Variants in DHX8 observed in about 807,000 individuals in gnomAD.
DHX8 encodes ATP-dependent RNA helicase DHX8.
In DHX8, 67 loss-of-function variants were observed where a neutral mutation model predicts 140.7. That is an observed-to-expected ratio of 0.48 (90% CI 0.39 to 0.58). The LOEUF is 0.58. Ranked by LOEUF, DHX8 falls within the 20% of genes least tolerant of loss-of-function variation. DHX8 has a pLI of 0.00. For missense variants in DHX8, 887 were observed against 1,550.7 expected, an observed-to-expected ratio of 0.57 and a Z score of 7.19; for synonymous variants, 533 against 553.2, an observed-to-expected ratio of 0.96 and a Z score of 0.51.
chr17:43,496,164 T>A lies in DHX8; in HGVS notation c.1213-17T>A. 6.2e-7 allele frequency: 1 copy of A among 1,605,046 alleles called. No individual in the cohort carries two copies. ...ATCTTAGCAGGTTACAAATGCTGCC[T>A]TCTCTTCTTTGGCTAGATGATTGCT... is the stretch of plus-strand genomic sequence containing the variant. On this transcript the variant is annotated splice_polypyrimidine_tract_variant and intron_variant, in intron 8 of 22. Coordinates refer to ENST00000262415, the MANE Select transcript of DHX8 (RefSeq NM_004941.3).
In DHX8 at chr17:43,523,716, C is replaced by T. The variant is rs773955614; in HGVS notation, c.3532C>T (p.Pro1178Ser). 2.5e-6 allele frequency: 4 copies of T among 1,614,102 alleles called. 1 individual carries two copies. The highest frequency in any genetic ancestry group is 3.4e-6 in the Non-Finnish European group (4 of 1,180,022). ...IDPRWLVEFA[P>S]AFFKVSDPTK... ...CCCTCGGTGGCTTGTGGAGTTTGCC[C>T]CAGCCTTCTTCAAGGTCTCAGACCC... The change falls in exon 23 of 23, where the codon CCA becomes TCA. Residue 1178 changes from proline to serine, a missense_variant. Physicochemically the swap from Pro to Ser is moderately conservative, Grantham distance 74 (BLOSUM62 -1). This residue lies in a region of DHX8 where 101 missense variants were observed against 168.2 expected (regional missense o/e 0.60). Coordinates refer to ENST00000262415, the MANE Select transcript of DHX8 (RefSeq NM_004941.3).
intron 2 of DHX8, chr17:43,533,997 G>A (rs1479582225): frequency 7.2e-6 from 11 of 1,520,648 alleles, no homozygotes; most frequent in Non-Finnish European, 7.8e-6. Context: ...TGTGGGGGTG[G>A]AGGGGACAGA....
At position 43,490,398 on chromosome 17, in the gene DHX8, T is replaced by A; in HGVS notation, c.242T>A (p.Leu81His). 1 of 1,613,442 alleles carries A rather than the reference T, an allele frequency of 6.2e-7. No individual in the cohort carries two copies. Reference protein sequence around the residue: ...VKNGAEFTDSLISNLLRLIQT... With the variant: ...VKNGAEFTDSHISNLLRLIQT... ...CTATGTTTCTTTTCAAAGGATTCTCTTATTAGTAACTTGCTGCGTCTCATA... is the reference window on the plus strand; with the variant it reads ...CTATGTTTCTTTTCAAAGGATTCTCATATTAGTAACTTGCTGCGTCTCATA... Residue 81 changes from leucine to histidine, a missense_variant, in exon 3 of 23, where the codon CTT becomes CAT. Leu to His is a moderately conservative substitution (Grantham distance 99, BLOSUM62 -3). This residue lies in a region of DHX8 where 304 missense variants were observed against 306.9 expected (regional missense o/e 0.99). Transcript: ENST00000262415.
chr17:43,526,092 A>G (rs1970605881), downstream of DHX8: 1 of 985,218 alleles, frequency 1.0e-6, no homozygotes, highest in Admixed American at 6.2e-5. Flanking sequence ...ACCATCAGGA[A>G]AGCAATGTCA....
chr17:43,484,003 G>A lies in DHX8; in HGVS notation c.-35G>A, dbSNP rs1967956765. ...CCGGCCGGAGTAGCTCTGAGCGCCG[G>A]CTGTGAGGAAGGAGGTTCTGGGCAA... On this transcript the variant is annotated 5_prime_UTR_variant, in exon 1 of 23. Coordinates refer to ENST00000262415, the MANE Select transcript of DHX8 (RefSeq NM_004941.3). 2 of 1,612,194 alleles carry A rather than the reference G, an allele frequency of 1.2e-6. No homozygotes were observed. Among genetic ancestry groups the A allele is most frequent in the Non-Finnish European group, 1.7e-6 (2 of 1,178,934 alleles).
downstream of DHX8, chr17:43,529,898 G>A: frequency 6.2e-7 from 1 of 1,614,178 alleles, no homozygotes; most frequent in Admixed American, 1.7e-5. Context: ...AAATTTCTCA[G>A]GGACAACGCA....
At chr17:43,491,493 GGTTCTGGAAC>G (rs1316297223) in intron 4 of DHX8, among the ~76,000 whole-genome samples, 1 of 152,000 alleles carries the variant, frequency 6.6e-6, no homozygotes, top group Non-Finnish European at 1.5e-5. Flanking sequence ...TATGAAATAA[GGTTCTGGAAC>G]AGATGCCTAA....
In DHX8 at chr17:43,508,526, A is replaced by G. The variant is rs368211722; in HGVS notation, c.2502+6A>G. 91 of 1,601,240 alleles carry G rather than the reference A, an allele frequency of 5.7e-5. No homozygotes were observed. Among genetic ancestry groups the G allele is most frequent in the Non-Finnish European group, 7.8e-5 (91 of 1,171,990 alleles). On this transcript the variant is annotated splice_donor_region_variant and intron_variant, in intron 16 of 22. Coordinates refer to ENST00000262415, the MANE Select transcript of DHX8 (RefSeq NM_004941.3). Reference sequence around the variant, plus strand: ...CTCCACCAGGCAGCAGAAAGGTAACATGGGCAAAAATGAAGCTTCCATGTG... The same window carrying G: ...CTCCACCAGGCAGCAGAAAGGTAACGTGGGCAAAAATGAAGCTTCCATGTG...
chr17:43,492,133 G>T, intron 4 of DHX8, 50 bp from the exon 5 acceptor site: 1 of 1,313,280 alleles, frequency 7.6e-7, no homozygotes, highest in Non-Finnish European at 1.1e-6. Context: ...GGTACATACA[G>T]ATTCTTGAGT....
At chr17:43,542,978 G>A (rs1299880818) in intron 3 of DHX8, among the ~76,000 whole-genome samples, 1 of 152,146 alleles carries the variant, frequency 6.6e-6, no homozygotes, top group Non-Finnish European at 1.5e-5. Context: ...GACCTGGTGG[G>A]AAGAGACAGG....
At chr17:43,544,094 A>G (rs1846740909) in intron 3 of DHX8, 1 of 152,216 alleles carries the variant, frequency 6.6e-6, no homozygotes, top group Admixed American at 6.5e-5. Flanking sequence ...AATAAACCCT[A>G]AGATGGGGGT....
downstream of DHX8, chr17:43,526,296 G>A: frequency 7.2e-7 from 1 of 1,389,714 alleles, no homozygotes; most frequent in South Asian, 1.6e-5. Context: ...GGCCATTAAA[G>A]TATATTGTTC....
downstream of DHX8, chr17:43,529,648 T>C (rs775011482): frequency 6.2e-7 from 1 of 1,613,500 alleles, no homozygotes; most frequent in South Asian, 1.1e-5. Context: ...CCTCTCGAAA[T>C]GCACCGACCC....
Position 43,513,368 on chromosome 17 carries a change from A to AT in DHX8, c.2511dup (p.Ala838CysfsTer12). ...TTGCCCCTCTTGCCTGCAGGTTGTGATTGCCACCAATATCGCAGAGACATC... is the reference window on the plus strand; with the variant it reads ...TTGCCCCTCTTGCCTGCAGGTTGTGATTTGCCACCAATATCGCAGAGACATC... On this transcript the variant is annotated frameshift_variant, in exon 17 of 23. Transcript: ENST00000262415. LOFTEE classifies it high-confidence loss of function. 2 of 1,613,142 alleles carry AT rather than the reference A, an allele frequency of 1.2e-6. No homozygotes were observed. Among genetic ancestry groups the AT allele is most frequent in the Non-Finnish European group, 1.7e-6 (2 of 1,179,558 alleles).
chr17:43,531,520 A>G (rs1400877209), downstream of DHX8, among the ~76,000 whole-genome samples: 1 of 152,138 alleles, frequency 6.6e-6, no homozygotes, highest in Non-Finnish European at 1.5e-5. Flanking sequence ...CTTGATCAAC[A>G]TGGTGAAACC....
chr17:43,541,909 C>T (rs982332246), intron 3 of DHX8, among the ~76,000 whole-genome samples: 1 of 152,172 alleles, frequency 6.6e-6, no homozygotes, highest in Non-Finnish European at 1.5e-5. Context: ...TTAACCTCAT[C>T]CCTCCCCACA....
In DHX8 at chr17:43,504,820, G is replaced by A; in HGVS notation, c.1723G>A (p.Val575Ile). ...LPIYKLKEQL[V>I]QAVHDNQILI... ...CATCTACAAACTGAAGGAGCAATTG[G>A]TCCAGGTGAGAAGACTTTTATGATG... The change falls in exon 12 of 23, where the codon GTC (valine) becomes ATC (isoleucine). Residue 575 changes from valine to isoleucine, a missense_variant. By Grantham distance (29) the Val-to-Ile change is conservative. This residue lies in a region of DHX8 where 178 missense variants were observed against 398.5 expected (regional missense o/e 0.45). Coordinates refer to ENST00000262415, the MANE Select transcript of DHX8 (RefSeq NM_004941.3). 6.2e-7 allele frequency: 1 copy of A among 1,613,026 alleles called. No individual in the cohort carries two copies. Among genetic ancestry groups the A allele is most frequent in the Non-Finnish European group, 8.5e-7 (1 of 1,179,600 alleles).
chr17:43,484,687 G>C (rs184630221), intron 1 of DHX8, among the ~76,000 whole-genome samples: 6 of 152,152 alleles, frequency 3.9e-5, no homozygotes. Flanking sequence ...TGTTTCCCGG[G>C]CTGGAGTGCA....
downstream of DHX8, chr17:43,526,025 C>T (rs116134548): frequency 1.7e-3 from 1,662 of 985,374 alleles, 26 homozygotes; most frequent in African/African-American, 0.027. Context: ...CATCTCTCTA[C>T]GCTAGAGCTG....
Sources: gnomAD v4.1 joint callset for allele counts (sites outside exome capture counted in the v4.1 genomes callset) on GRCh38, gnomAD v4.1.1 for gene constraint, gnomAD v4.1.1 regional missense constraint, MANE v1.5 for transcripts, NCBI Gene and HGNC (gene_info 2026-07-23, HGNC 2026-07-21) for gene names.